The following CCDC38 variants were observed in gnomAD, a reference collection of about 807,000 sequenced individuals.
CCDC38 encodes coiled-coil domain-containing protein 38.
Under a neutral mutation model 72.8 loss-of-function variants are expected in CCDC38, and 69 were observed. The ratio of observed to expected loss-of-function variants is 0.95; its 90% confidence interval spans 0.78 to 1.16. The LOEUF (loss-of-function observed/expected upper bound fraction) is 1.16, where lower values mean the gene tolerates loss of function less well. Among genes scored for constraint, CCDC38 ranks in the 50% most tolerant of loss-of-function variants. The pLI, the probability that CCDC38 is intolerant of heterozygous loss-of-function variation, is 0.00. For synonymous variants in CCDC38, 201 were observed against 213.2 expected (o/e 0.94, Z 0.50); for missense variants, 626 against 638.9 (o/e 0.98, Z 0.22).
intron 4 of CCDC38, among the ~76,000 whole-genome samples, 195 bp downstream of exon 4, chr12:95,916,934 A>G (rs1011447897): frequency 1.3e-5 from 2 of 152,164 alleles, no homozygotes; most frequent in Non-Finnish European, 2.9e-5. Flanking sequence ...GAAAATGAGT[A>G]ACAGTCATCT....
In CCDC38 at chr12:95,898,458, G is replaced by A. The variant is rs192975232; in HGVS notation, c.541C>T (p.Gln181Ter). Residue 181 changes from glutamine (Q) to a stop codon, truncating the protein, a stop_gained, in exon 7 of 16, where the codon CAG becomes TAG. Transcript: ENST00000344280. LOFTEE classifies it high-confidence loss of function. Reference sequence around the variant, plus strand: ...ATTTGGAGTTTGTTTATTGTTTCCTGTGCTGCCCTGAAAAGCAATGAAGAT... The same window carrying A: ...ATTTGGAGTTTGTTTATTGTTTCCTATGCTGCCCTGAAAAGCAATGAAGAT... ...RSVDALKMAA[Q>*]ETINKLQMTA... 6.2e-7 allele frequency: 1 copy of A among 1,614,068 alleles called. No homozygotes were observed. Among genetic ancestry groups the A allele is most frequent in the East Asian group, 2.2e-5 (1 of 44,880 alleles).
chr12:95,892,081 CTTT>C (rs67478657), intron 8 of CCDC38, among the ~76,000 whole-genome samples: 1 of 97,996 alleles, frequency 1.0e-5, no homozygotes, highest in Non-Finnish European at 1.9e-5. Flanking sequence ...GATCACTCTG[CTTT>C]TTTTTTTTTT....
In CCDC38 at chr12:95,879,775, C is replaced by T; in HGVS notation, c.1011G>A (p.Lys337=). 1.2e-6 allele frequency: 2 copies of T among 1,606,900 alleles called. No homozygotes were observed. Among genetic ancestry groups the T allele is most frequent in the Non-Finnish European group, 1.7e-6 (2 of 1,176,864 alleles). ...DVDLEPALYF[K]EPEELLQVLR... is the part of the protein sequence containing the mutation. ...GGACTTGAAGTAACTCCTCTGGTTC[C>T]TTGAAATAAAGTGCTGGCTCCTAAT... is the stretch of plus-strand genomic sequence containing the variant. Residue 337 remains lysine, a synonymous_variant, in exon 12 of 16, where the codon AAG becomes AAA. Transcript: ENST00000344280. The surrounding 1 kb of genome is among the most constrained non-coding windows in gnomAD (Gnocchi z 5.5).
chr12:95,939,648 G>A (rs1159547600), intron 1 of CCDC38, among the ~76,000 whole-genome samples: 1 of 152,218 alleles, frequency 6.6e-6, no homozygotes, highest in African/African-American at 2.4e-5. Flanking sequence ...AGTGGGGGAA[G>A]GGGCACTTGG....
At chr12:95,928,642 G>A (rs2080300091) in intron 2 of CCDC38, among the ~76,000 whole-genome samples, 1 of 152,216 alleles carries the variant, frequency 6.6e-6, no homozygotes, top group Non-Finnish European at 1.5e-5. Flanking sequence ...CAGTTTTTCT[G>A]TTCTGTTTTT....
chr12:95,915,489 A>G (rs543783291), intron 4 of CCDC38, among the ~76,000 whole-genome samples: 2 of 152,352 alleles, frequency 1.3e-5, no homozygotes, highest in Admixed American at 6.5e-5. Flanking sequence ...TTAGTTGTGC[A>G]TGTGATTTCT....
intron 3 of CCDC38, among the ~76,000 whole-genome samples, chr12:95,917,611 G>A (rs1292107388): frequency 6.6e-6 from 1 of 152,164 alleles, no homozygotes; most frequent in Non-Finnish European, 1.5e-5. Context: ...GGTAGCTCAT[G>A]TCTGTAATCC....
intron 10 of CCDC38, among the ~76,000 whole-genome samples, chr12:95,886,714 G>A (rs1477876747): frequency 2.0e-5 from 3 of 152,170 alleles, no homozygotes; most frequent in Non-Finnish European, 2.9e-5. Flanking sequence ...GACAAGATGC[G>A]CAACATCATT....
At chr12:95,881,188 T>C (rs1466031012) in intron 11 of CCDC38, among the ~76,000 whole-genome samples, 1 of 151,256 alleles carries the variant, frequency 6.6e-6, no homozygotes, top group Non-Finnish European at 1.5e-5. Context: ...CCCAATAAAA[T>C]GCAATCAGCA....
intron 10 of CCDC38, among the ~76,000 whole-genome samples, chr12:95,886,903 G>A (rs368053430): frequency 7.2e-5 from 11 of 152,124 alleles, no homozygotes; most frequent in African/African-American, 2.7e-4. Context: ...CTGAACATGC[G>A]GCCGGGCGTG....
intron 2 of CCDC38, among the ~76,000 whole-genome samples, chr12:95,920,887 C>T (rs12811896): frequency 5.9e-4 from 89 of 151,642 alleles, no homozygotes; most frequent in Non-Finnish European, 9.1e-4. Context: ...CCAGCACTTT[C>T]GGAGGCCGAG....
intron 2 of CCDC38, among the ~76,000 whole-genome samples, chr12:95,930,780 C>T (rs957813123): frequency 2.6e-5 from 4 of 152,168 alleles, no homozygotes; most frequent in African/African-American, 9.7e-5. Flanking sequence ...TCTACCAGCT[C>T]TTTAGCAAAC....
chr12:95,898,502 G>GAAAA lies in CCDC38; in HGVS notation c.534-38_534-37insTTTT, dbSNP rs149620412. On this transcript the variant is annotated intron_variant, in intron 6 of 15. Coordinates refer to ENST00000344280, the MANE Select transcript of CCDC38 (RefSeq NM_182496.3). ...TGAAGATCTGTTAATTTGCTTCTTA[G>GAAAA]AAACAAACAAACAAACAAACAAACA... 4 of 1,608,296 alleles carry GAAAA rather than the reference G, an allele frequency of 2.5e-6. No individual in the cohort carries two copies. The African/African-American group carries it at 4.0e-5, about 16-fold the overall frequency.
At chr12:95,922,580 G>C (rs1346911908) in intron 2 of CCDC38, among the ~76,000 whole-genome samples, 1 of 152,204 alleles carries the variant, frequency 6.6e-6, no homozygotes, top group East Asian at 1.9e-4. Flanking sequence ...AATTGATAGA[G>C]GAACTAGCCA....
At chr12:95,910,688 A>G (rs187410174) in intron 4 of CCDC38, among the ~76,000 whole-genome samples, 1 of 152,168 alleles carries the variant, frequency 6.6e-6, no homozygotes, top group African/African-American at 2.4e-5. Context: ...ACAGCAAGAA[A>G]CCCATCTTTA....
At chr12:95,908,269 G>A (rs1317944775) in intron 4 of CCDC38, among the ~76,000 whole-genome samples, 1 of 151,248 alleles carries the variant, frequency 6.6e-6, no homozygotes, top group Admixed American at 6.6e-5. Context: ...AGACCAGCCC[G>A]GCCAACACAG....
At chr12:95,914,837 G>C (rs2080128915) in intron 4 of CCDC38, among the ~76,000 whole-genome samples, 1 of 151,592 alleles carries the variant, frequency 6.6e-6, no homozygotes, top group Non-Finnish European at 1.5e-5. Context: ...CAAGAAACGA[G>C]GTCAATTTCT....
At chr12:95,887,350 T>C (rs563495418) in intron 10 of CCDC38, among the ~76,000 whole-genome samples, 1 of 152,270 alleles carries the variant, frequency 6.6e-6, no homozygotes, top group East Asian at 1.9e-4. Flanking sequence ...AAACTAAAAA[T>C]AATCCAGATG....
intron 5 of CCDC38, among the ~76,000 whole-genome samples, chr12:95,902,699 C>G (rs892889220): frequency 6.6e-6 from 1 of 152,038 alleles, no homozygotes; most frequent in African/African-American, 2.4e-5. Context: ...TTTTATTTTT[C>G]TTGGATAAAT....
Sources: allele counts gnomAD v4.1 joint callset (sites outside exome capture counted in the v4.1 genomes callset), GRCh38; gene constraint gnomAD v4.1.1; non-coding constraint Gnocchi (gnomAD v3.1); transcripts MANE v1.5; gene names NCBI Gene and HGNC (gene_info 2026-07-23, HGNC 2026-07-21).